The following C1orf53 variants were observed in gnomAD, a reference collection of about 807,000 sequenced individuals.
The protein encoded by C1orf53 is chromosome 1 open reading frame 53.
C1orf53 carries 23 observed loss-of-function variants against 17.5 expected under a neutral mutation model. The ratio of observed to expected loss-of-function variants is 1.31; its 90% CI spans 0.94 to 1.86. The LOEUF is 1.86. C1orf53 is among the 40% of genes most tolerant of loss of function. C1orf53 has a pLI of 0.00. For missense variants in C1orf53, 255 were observed against 193.2 expected, an observed-to-expected ratio of 1.32 and a Z score of -1.89; for synonymous variants, 108 against 81.9, an observed-to-expected ratio of 1.32 and a Z score of -1.72.
At position 197,902,696 on chromosome 1, in the gene C1orf53, G is replaced by A; in HGVS notation, c.47G>A (p.Arg16Lys). The A allele has an allele frequency of 6.6e-7, 1 of 1,516,030 alleles. No homozygotes were observed. The highest frequency in any genetic ancestry group is 1.2e-5 in the South Asian group (1 of 81,298). The allele number at this position is 1,516,030 out of a possible 1,614,324, so 93.9% of individuals were successfully genotyped here. A position where few individuals can be genotyped will look rare whatever the true frequency, so the allele number is the denominator to read the frequency against. Reference protein sequence around the residue: ...IWARTGAALCRQPSAAPPPAP... With the variant: ...IWARTGAALCKQPSAAPPPAP... ...GCACGGACGGGTGCCGCGCTCTGCA[G>A]GCAACCTTCCGCCGCCCCGCCGCCA... is the stretch of plus-strand genomic sequence containing the variant. The change falls in exon 1 of 3, where the codon AGG becomes AAG. Residue 16 changes from arginine (R) to lysine (K), a missense_variant. Coordinates refer to ENST00000367393, the MANE Select transcript of C1orf53 (RefSeq NM_001024594.3).
intron 2 of C1orf53, 48 bp downstream of exon 2, chr1:197,905,945 A>C (rs1197714247): frequency 3.1e-6 from 4 of 1,299,696 alleles, no homozygotes; most frequent in Non-Finnish European, 4.5e-6. Flanking sequence ...GTGCTTCTGT[A>C]ACTTCGTAAA....
chr1:197,902,950 C>T (rs1455318776), intron 1 of C1orf53, 37 bp downstream of exon 1: 1 of 1,336,542 alleles, frequency 7.5e-7, no homozygotes, highest in South Asian at 2.0e-5. Context: ...CCCGCCGCGG[C>T]CGCCCCGGGC....
At chr1:197,902,934 C>G (rs1252641712) in intron 1 of C1orf53, 21 bp downstream of exon 1, 1 of 1,348,112 alleles carries the variant, frequency 7.4e-7, no homozygotes, top group Non-Finnish European at 9.5e-7. Context: ...CTCCTGCCCG[C>G]CCCGCCCCGC....
intron 1 of C1orf53, among the ~76,000 whole-genome samples, chr1:197,904,593 T>C (rs1659491962): frequency 6.6e-6 from 1 of 152,186 alleles, no homozygotes; most frequent in South Asian, 2.1e-4. Flanking sequence ...AAGGTAGTGC[T>C]GAGTGCTCCT....
intron 1 of C1orf53, among the ~76,000 whole-genome samples, chr1:197,905,289 G>A (rs1307975679): frequency 6.6e-6 from 1 of 151,966 alleles, no homozygotes; most frequent in Non-Finnish European, 1.5e-5. Flanking sequence ...AACACATGAA[G>A]GTAAAGAAAG....
chr1:197,903,076 C>T (rs528511364), intron 1 of C1orf53, among the ~76,000 whole-genome samples, 163 bp downstream of exon 1: 1 of 152,238 alleles, frequency 6.6e-6, no homozygotes, highest in Admixed American at 6.5e-5. Context: ...CGCACACGAA[C>T]TTCCAGCCCC....
At chr1:197,906,979 A>G (rs1206245626) in intron 2 of C1orf53, among the ~76,000 whole-genome samples, 170 bp from the exon 3 acceptor site, 1 of 152,200 alleles carries the variant, frequency 6.6e-6, no homozygotes, top group Non-Finnish European at 1.5e-5. Flanking sequence ...GACCCTAATT[A>G]GGATCATTTG....
At chr1:197,905,974 C>T in intron 2 of C1orf53, 77 bp downstream of exon 2, 1 of 1,111,930 alleles carries the variant, frequency 9.0e-7, no homozygotes, top group Non-Finnish European at 1.4e-6. Flanking sequence ...ATTTGAACAA[C>T]AAGTCAAATA....
intron 1 of C1orf53, among the ~76,000 whole-genome samples, chr1:197,904,663 C>G (rs1659492940): frequency 6.6e-6 from 1 of 152,138 alleles, no homozygotes; most frequent in Admixed American, 6.5e-5. Context: ...CTCAGACCAG[C>G]CTTGGGACTT....
chr1:197,902,858 AAG>A lies in C1orf53; in HGVS notation c.212_213del (p.Glu71ValfsTer43), dbSNP rs767259655. 3.2e-6 allele frequency: 5 copies of A among 1,539,186 alleles called. No individual in the cohort carries two copies. The highest frequency in any genetic ancestry group is 4.3e-6 in the Non-Finnish European group (5 of 1,149,474). ...AGAGCGGCGAGGCCTTCGGTGAGCG[AAG>A]AGTTAACCGCGGCGGAGCGACAGAT... is the stretch of plus-strand genomic sequence containing the variant. On this transcript the variant is annotated frameshift_variant, in exon 1 of 3. Transcript: ENST00000367393. LOFTEE classifies it high-confidence loss of function.
rs1420239400 is a variant in C1orf53, at chr1:197,902,926, C to T, written c.264+13C>T. 3 of 1,367,974 alleles carry T rather than the reference C, an allele frequency of 2.2e-6. No individual in the cohort carries two copies. Among genetic ancestry groups the T allele is most frequent in the Non-Finnish European group, 1.9e-6 (2 of 1,065,774 alleles). 84.7% of individuals were successfully genotyped at this position (1,367,974 alleles called of 1,614,324 possible). ...TGCCGCCTGCGCGGTGAGACTCCCT[C>T]CTGCCCGCCCCGCCCCGCCGCGGCC... is the stretch of plus-strand genomic sequence containing the variant. On this transcript the variant is annotated intron_variant, in intron 1 of 2. Transcript: ENST00000367393.
At position 197,907,207 on chromosome 1, in the gene C1orf53, AT is replaced by A; in HGVS notation, c.430del (p.Tyr144MetfsTer11). 1.3e-6 allele frequency: 2 copies of A among 1,574,720 alleles called. No individual in the cohort carries two copies. Among genetic ancestry groups the A allele is most frequent in the Non-Finnish European group, 1.7e-6 (2 of 1,149,794 alleles). On this transcript the variant is annotated frameshift_variant, in exon 3 of 3. Transcript: ENST00000367393. LOFTEE classifies it high-confidence loss of function. ...TCTAAAAAGAAGCAATTCAATTCAT[AT>A]TTTTATGTTTGACAAGAATTTCATC... is the stretch of plus-strand genomic sequence containing the variant. ...DPSKKKQFNS[Y>X]FYV
intron 2 of C1orf53, 99 bp downstream of exon 2, chr1:197,905,996 AG>A: frequency 1.1e-6 from 1 of 911,996 alleles, no homozygotes; most frequent in Non-Finnish European, 1.8e-6. Flanking sequence ...AAAACCAAAT[AG>A]ACCTGGAGTG....
intron 1 of C1orf53, among the ~76,000 whole-genome samples, chr1:197,903,962 C>T (rs1659480972): frequency 6.6e-6 from 1 of 152,200 alleles, no homozygotes; most frequent in Non-Finnish European, 1.5e-5. Context: ...AAGTGTCATT[C>T]TCCTTAGAGC....
At position 197,902,695 on chromosome 1, in the gene C1orf53, A is replaced by C. The variant is rs1007060267; in HGVS notation, c.46A>C (p.Arg16=). 8 of 1,514,982 alleles carry C rather than the reference A, an allele frequency of 5.3e-6. No homozygotes were observed. Among genetic ancestry groups the C allele is most frequent in the Non-Finnish European group, 6.1e-6 (7 of 1,139,074 alleles). 93.8% of individuals were successfully genotyped at this position (1,514,982 alleles called of 1,614,324 possible). A position where few individuals can be genotyped will look rare whatever the true frequency, so the allele number is the denominator to read the frequency against. ...IWARTGAALC[R]QPSAAPPPAP... ...GGCACGGACGGGTGCCGCGCTCTGC[A>C]GGCAACCTTCCGCCGCCCCGCCGCC... is the stretch of plus-strand genomic sequence containing the variant. Residue 16 remains arginine (R), a synonymous_variant, in exon 1 of 3, where the codon AGG becomes CGG. Transcript: ENST00000367393.
chr1:197,905,983 T>TA (rs1457929873), intron 2 of C1orf53, 86 bp downstream of exon 2: 30 of 1,055,224 alleles, frequency 2.8e-5, no homozygotes, highest in South Asian at 9.3e-5. Context: ...ACAAGTCAAA[T>TA]AAAAAACCAA....
chr1:197,902,949 G>A lies in C1orf53; in HGVS notation c.264+36G>A, dbSNP rs1659453680. On this transcript the variant is annotated intron_variant, in intron 1 of 2. Coordinates refer to ENST00000367393, the MANE Select transcript of C1orf53 (RefSeq NM_001024594.3). ...CTCCTGCCCGCCCCGCCCCGCCGCG[G>A]CCGCCCCGGGCTCGGCGCGCCTGCG... 4 of 1,335,502 alleles carry A rather than the reference G, an allele frequency of 3.0e-6. No individual in the cohort carries two copies. In the South Asian group the frequency reaches 7.9e-5, roughly 26 times the overall value. The allele number at this position is 1,335,502 out of a possible 1,614,324, so 82.7% of individuals were successfully genotyped here.
At chr1:197,905,050 T>C (rs1659501966) in intron 1 of C1orf53, among the ~76,000 whole-genome samples, 2 of 152,226 alleles carry the variant, frequency 1.3e-5, no homozygotes, top group Admixed American at 6.5e-5. Flanking sequence ...AAGATTATGT[T>C]ATTTACTTTT....
Position 197,907,357 on chromosome 1 carries a change from G to A in C1orf53, c.*137G>A. 1 of 503,112 alleles carries A rather than the reference G, an allele frequency of 2.0e-6. No individual in the cohort carries two copies. Among genetic ancestry groups the A allele is most frequent in the Non-Finnish European group, 3.5e-6 (1 of 282,368 alleles). The allele number at this position is 503,112 out of a possible 1,614,324, so 31.2% of individuals were successfully genotyped here. A position where few individuals can be genotyped will look rare whatever the true frequency, so the allele number is the denominator to read the frequency against. On this transcript the variant is annotated 3_prime_UTR_variant, in exon 3 of 3. Transcript: ENST00000367393. ...TATATTAAAAGAACATCAATAAAAT[G>A]AAAAAGCTAACAAATGTTTGTGTGT... is the stretch of plus-strand genomic sequence containing the variant.
Sources: gnomAD v4.1 joint callset for allele counts (sites outside exome capture counted in the v4.1 genomes callset) on GRCh38, gnomAD v4.1.1 for gene constraint, MANE v1.5 for transcripts, NCBI Gene and HGNC (gene_info 2026-07-23, HGNC 2026-07-21) for gene names.